The following MACROD2 variants were observed in gnomAD, a reference collection of about 807,000 sequenced individuals.
The protein encoded by MACROD2 is ADP-ribose glycohydrolase MACROD2.
Under a neutral mutation model 70.4 loss-of-function variants are expected in MACROD2, and 36 were observed. That is an observed-to-expected ratio of 0.51 (90% CI 0.39 to 0.68). The LOEUF (loss-of-function observed/expected upper bound fraction) is 0.68. Ranked by LOEUF, MACROD2 falls within the 30% of genes least tolerant of loss-of-function variation. The probability of loss-of-function intolerance (pLI) is 0.00; values close to 1 mark genes in which losing one functional copy is unlikely to be tolerated. For synonymous variants in MACROD2, 172 were observed against 178.8 expected (o/e 0.96, Z 0.30); for missense variants, 496 against 538.4 (o/e 0.92, Z 0.78).
chr20:14,764,331 G>T (rs538710600), intron 5 of MACROD2, among the ~76,000 whole-genome samples: 2 of 152,150 alleles, frequency 1.3e-5, no homozygotes, highest in South Asian at 4.1e-4. Flanking sequence ...CCCACTTTTT[G>T]CTCTTGCCGT....
chr20:14,767,276 T>A (rs968182136), intron 5 of MACROD2, among the ~76,000 whole-genome samples: 6 of 152,170 alleles, frequency 3.9e-5, no homozygotes, highest in Non-Finnish European at 7.3e-5. Flanking sequence ...ATAGTTGCCA[T>A]GGTCAACAGT....
chr20:14,223,506 C>CTTTT (rs11307206), intron 3 of MACROD2, among the ~76,000 whole-genome samples: 1 of 93,112 alleles, frequency 1.1e-5, no homozygotes, highest in Non-Finnish European at 2.3e-5. Context: ...CCTCTAAATT[C>CTTTT]TTTTTTTTTT....
chr20:14,252,982 C>G (rs766955133), intron 3 of MACROD2, among the ~76,000 whole-genome samples: 15 of 152,020 alleles, frequency 9.9e-5, no homozygotes, highest in Non-Finnish European at 1.9e-4. Flanking sequence ...TAATTTTCCT[C>G]ACACTGCAAA....
chr20:14,505,275 G>A (rs533507120), intron 4 of MACROD2, among the ~76,000 whole-genome samples: 44 of 152,312 alleles, frequency 2.9e-4, no homozygotes, highest in African/African-American at 1.0e-3. Flanking sequence ...TTGGAAGGCA[G>A]CAGCAGTACT....
chr20:14,388,911 T>C (rs2083495950), intron 3 of MACROD2, among the ~76,000 whole-genome samples: 1 of 152,114 alleles, frequency 6.6e-6, no homozygotes, highest in African/African-American at 2.4e-5. Context: ...AGAGTCTCAT[T>C]CTATTGCCCA....
rs1366353363 is a variant in MACROD2, at chr20:15,627,245, A to C, written c.645+127398A>C. On this transcript the variant is annotated intron_variant, in intron 8 of 17. Coordinates refer to ENST00000684519, the MANE Select transcript of MACROD2 (RefSeq NM_001351661.2). ...AAGATTACCAAAAAAAAAAAAAAAAAAAACTGGGACCATCCTCTAGAAGGC... is the reference window on the plus strand; with the variant it reads ...AAGATTACCAAAAAAAAAAAAAAAACAAACTGGGACCATCCTCTAGAAGGC... Among the ~76,000 whole-genome samples, 5 of 151,862 alleles carry C rather than the reference A, an allele frequency of 3.3e-5. No homozygotes were observed. In the East Asian group the frequency reaches 5.8e-4, roughly 18 times the overall value.
At chr20:14,417,931 A>G (rs572575377) in intron 3 of MACROD2, among the ~76,000 whole-genome samples, 1 of 152,226 alleles carries the variant, frequency 6.6e-6, no homozygotes, top group Non-Finnish European at 1.5e-5. Flanking sequence ...TTTAGAAATT[A>G]TAATAACACC....
chr20:15,078,375 C>A (rs1467305708), intron 5 of MACROD2, among the ~76,000 whole-genome samples: 2 of 152,138 alleles, frequency 1.3e-5, no homozygotes, highest in Non-Finnish European at 2.9e-5. Context: ...CTCACAATGT[C>A]CATACAGAGA....
In MACROD2 at chr20:14,788,986, C is replaced by G. The variant is rs181675937; in HGVS notation, c.418+104027C>G. Among the ~76,000 whole-genome samples, 17 of 151,892 alleles carry G rather than the reference C, an allele frequency of 1.1e-4. 1 individual carries two copies. In the East Asian group the frequency reaches 3.3e-3, roughly 29 times the overall value. Reference sequence around the variant, plus strand: ...GTTTCACCATGTTGGTCAGGCTGGTCTCGAACTCCTGACCTCAGGTGATCT... The same window carrying G: ...GTTTCACCATGTTGGTCAGGCTGGTGTCGAACTCCTGACCTCAGGTGATCT... On this transcript the variant is annotated intron_variant, in intron 5 of 17. Coordinates refer to ENST00000684519, the MANE Select transcript of MACROD2 (RefSeq NM_001351661.2).
chr20:15,107,243 A>G (rs886211516), intron 5 of MACROD2, among the ~76,000 whole-genome samples: 1 of 151,960 alleles, frequency 6.6e-6, no homozygotes, highest in African/African-American at 2.4e-5. Flanking sequence ...CACATATGAA[A>G]TGAATTATGT....
chr20:15,777,550 C>T (rs577891684), intron 8 of MACROD2, among the ~76,000 whole-genome samples: 106 of 91,712 alleles, frequency 1.2e-3, no homozygotes, highest in East Asian at 0.011. Flanking sequence ...TCCTTCCTTC[C>T]TTCCTTCCTT....
intron 8 of MACROD2, among the ~76,000 whole-genome samples, chr20:15,736,698 T>G (rs1327858960): frequency 6.6e-6 from 1 of 152,188 alleles, no homozygotes; most frequent in Non-Finnish European, 1.5e-5. Flanking sequence ...GTTCTGCATG[T>G]GTGGATTCAA....
At chr20:15,443,352 C>T (rs1486673142) in intron 7 of MACROD2, among the ~76,000 whole-genome samples, 1 of 152,046 alleles carries the variant, frequency 6.6e-6, no homozygotes, top group Non-Finnish European at 1.5e-5. Flanking sequence ...TCTAAATCTC[C>T]TGGGTAGTCA....
chr20:15,458,017 C>A (rs565109071), intron 7 of MACROD2, among the ~76,000 whole-genome samples: 1 of 151,462 alleles, frequency 6.6e-6, no homozygotes, highest in African/African-American at 2.4e-5. Context: ...CATAAGGAAC[C>A]CTTCCATAGT....
At position 15,333,180 on chromosome 20, in the gene MACROD2, C is replaced by A. The variant is rs28541600; in HGVS notation, c.541-98225C>A. Among the ~76,000 whole-genome samples, 727 of 151,608 alleles carry A rather than the reference C, an allele frequency of 4.8e-3. 32 individuals are homozygous for A. The highest frequency in any genetic ancestry group is 0.017 in the African/African-American group (691 of 41,034). On this transcript the variant is annotated intron_variant, in intron 6 of 17. Coordinates refer to ENST00000684519, the MANE Select transcript of MACROD2 (RefSeq NM_001351661.2). ...CATCAACCTGATCTTCTTAGAAGTG[C>A]AAAATTTTCAGCCCCACTCCAAGCC...
At position 14,662,266 on chromosome 20, in the gene MACROD2, G is replaced by A. The variant is rs562460136; in HGVS notation, c.302-22577G>A. Among the ~76,000 whole-genome samples the A allele has an allele frequency of 2.5e-4, 38 of 152,040 alleles. No homozygotes were observed. In the Middle Eastern group the frequency reaches 0.01, roughly 41 times the overall value. ...AAGAATTTATTTAATAAATGGTGCT[G>A]CGATAACTGGCTAGCCATATGCAGA... On this transcript the variant is annotated intron_variant, in intron 4 of 17. Transcript: ENST00000684519.
At chr20:15,581,582 A>G (rs1003609117) in intron 8 of MACROD2, among the ~76,000 whole-genome samples, 1 of 152,220 alleles carries the variant, frequency 6.6e-6, no homozygotes, top group African/African-American at 2.4e-5. Context: ...TGGAGGCAGT[A>G]ATTGCAGGAA....
intron 4 of MACROD2, among the ~76,000 whole-genome samples, chr20:14,674,168 T>C (rs1293022712): frequency 1.3e-5 from 2 of 152,144 alleles, no homozygotes; most frequent in African/African-American, 4.8e-5. Flanking sequence ...GCCCTATTCA[T>C]TTGGGTCCCA....
At chr20:15,764,680 A>G (rs1387052065) in intron 8 of MACROD2, among the ~76,000 whole-genome samples, 1 of 152,138 alleles carries the variant, frequency 6.6e-6, no homozygotes, top group Non-Finnish European at 1.5e-5. Context: ...AAGCTGCTAT[A>G]AAAGCTTCCT....
Sources: allele counts gnomAD v4.1 joint callset (sites outside exome capture counted in the v4.1 genomes callset), GRCh38; gene constraint gnomAD v4.1.1; transcripts MANE v1.5; gene names NCBI Gene and HGNC (gene_info 2026-07-23, HGNC 2026-07-21).